The following NALCN variants were observed in gnomAD, a reference collection of about 807,000 sequenced individuals.
NALCN encodes sodium leak channel NALCN.
NALCN carries 111 observed loss-of-function variants against 225.3 expected under a neutral mutation model. The ratio of observed to expected loss-of-function variants is 0.49; its 90% CI spans 0.42 to 0.58. The LOEUF is 0.58. NALCN is among the 20% of genes least tolerant of loss of function. NALCN has a pLI of 0.00. For synonymous variants in NALCN, 764 were observed against 769.0 expected (o/e 0.99, Z 0.11); for missense variants, 1,378 against 2,202.4 (o/e 0.63, Z 7.49).
intron 7 of NALCN, among the ~76,000 whole-genome samples, chr13:101,300,203 G>T (rs892440972): frequency 1.3e-5 from 2 of 152,070 alleles, no homozygotes; most frequent in African/African-American, 4.8e-5. Context: ...AAACGATAAA[G>T]CAGCTAGAAC....
intron 11 of NALCN, among the ~76,000 whole-genome samples, chr13:101,255,250 C>T (rs562651238): frequency 4.6e-5 from 7 of 152,156 alleles, no homozygotes; most frequent in Non-Finnish European, 8.8e-5. Context: ...CTACAACATT[C>T]AATTATTTGA....
chr13:101,131,443 C>T (rs1024520099), intron 17 of NALCN, among the ~76,000 whole-genome samples: 4 of 152,160 alleles, frequency 2.6e-5, no homozygotes, highest in Non-Finnish European at 1.5e-5. Flanking sequence ...AGAGTTTCCT[C>T]TTCTGTTGTT....
chr13:101,358,075 A>G (rs1045032225), intron 6 of NALCN, among the ~76,000 whole-genome samples: 1 of 152,202 alleles, frequency 6.6e-6, no homozygotes, highest in Non-Finnish European at 1.5e-5. Flanking sequence ...TAACCATAAA[A>G]ACCCTAGAAG....
At chr13:101,063,475 C>T (rs2032125389) in intron 40 of NALCN, among the ~76,000 whole-genome samples, 1 of 152,142 alleles carries the variant, frequency 6.6e-6, no homozygotes, top group South Asian at 2.1e-4. Context: ...CGGTGTGTTC[C>T]AAAGAGGCTG....
chr13:101,058,422 G>GTTTTTTGAAT, intron 42 of NALCN: 1 of 195,558 alleles, frequency 5.1e-6, no homozygotes, highest in Non-Finnish European at 1.1e-5. Context: ...CGGGCTGGGC[G>GTTTTTTGAAT]GGGGCAGTCT....
intron 28 of NALCN, among the ~76,000 whole-genome samples, chr13:101,091,276 AT>A (rs985532142): frequency 6.6e-6 from 1 of 152,036 alleles, no homozygotes; most frequent in Non-Finnish European, 1.5e-5. Flanking sequence ...TATTTTGATC[AT>A]TTTTTCCCCC....
intron 12 of NALCN, among the ~76,000 whole-genome samples, chr13:101,236,820 C>T (rs1315523867): frequency 2.0e-5 from 3 of 150,082 alleles, no homozygotes; most frequent in Admixed American, 6.7e-5. Context: ...TGCTAGATGA[C>T]GAGTTAGTGG....
intron 13 of NALCN, among the ~76,000 whole-genome samples, chr13:101,215,483 C>G (rs1201866172): frequency 6.6e-6 from 1 of 152,096 alleles, no homozygotes; most frequent in Non-Finnish European, 1.5e-5. Context: ...ACTGTGCTCT[C>G]AGCTCAGAGT....
At chr13:101,144,549 A>T (rs1160816644) in intron 16 of NALCN, among the ~76,000 whole-genome samples, 1 of 152,216 alleles carries the variant, frequency 6.6e-6, no homozygotes, top group East Asian at 1.9e-4. Flanking sequence ...TGCAGTTATA[A>T]AGTGACTCTT....
chr13:101,214,918 C>G (rs932725894), intron 13 of NALCN, among the ~76,000 whole-genome samples: 2 of 152,080 alleles, frequency 1.3e-5, no homozygotes, highest in Non-Finnish European at 2.9e-5. Flanking sequence ...TATGGAACCA[C>G]GTTATGACAC....
At chr13:101,344,583 T>C (rs1011643469) in intron 7 of NALCN, among the ~76,000 whole-genome samples, 4 of 152,174 alleles carry the variant, frequency 2.6e-5, no homozygotes, top group African/African-American at 9.7e-5. Context: ...ATACATTTTT[T>C]GCTTTAATAA....
At chr13:101,118,624 A>T (rs2035827799) in intron 18 of NALCN, among the ~76,000 whole-genome samples, 1 of 152,174 alleles carries the variant, frequency 6.6e-6, no homozygotes, top group African/African-American at 2.4e-5. Context: ...TTTAAGTGTC[A>T]GGAAAATCTT....
At chr13:101,205,454 G>A in intron 13 of NALCN, among the ~76,000 whole-genome samples, 1 of 152,104 alleles carries the variant, frequency 6.6e-6, no homozygotes, top group African/African-American at 2.4e-5. Context: ...AAAATATCAA[G>A]ATCAACTGAA....
intron 10 of NALCN, among the ~76,000 whole-genome samples, chr13:101,271,780 TG>T (rs1156524131): frequency 6.6e-6 from 1 of 151,844 alleles, no homozygotes; most frequent in Non-Finnish European, 1.5e-5. Flanking sequence ...AGCGTGTGTA[TG>T]CATGTCTGTG....
At chr13:101,114,178 A>G (rs1475366558) in intron 18 of NALCN, among the ~76,000 whole-genome samples, 1 of 152,218 alleles carries the variant, frequency 6.6e-6, no homozygotes, top group African/African-American at 2.4e-5. Context: ...TTCAGCTTTT[A>G]TAAGCTGTGG....
chr13:101,156,768 A>T (rs1186463762), intron 15 of NALCN, among the ~76,000 whole-genome samples: 2 of 152,288 alleles, frequency 1.3e-5, no homozygotes, highest in South Asian at 2.1e-4. Context: ...TTTACTATCA[A>T]ATAAATATGA....
chr13:101,273,260 G>A (rs1266087113), intron 10 of NALCN, among the ~76,000 whole-genome samples: 1 of 152,080 alleles, frequency 6.6e-6, no homozygotes, highest in East Asian at 1.9e-4. Flanking sequence ...GAGGAATGAG[G>A]GTCCAATTGA....
intron 28 of NALCN, among the ~76,000 whole-genome samples, chr13:101,091,264 T>C (rs2034217708): frequency 2.6e-5 from 4 of 152,164 alleles, no homozygotes; most frequent in African/African-American, 9.7e-5. Flanking sequence ...CTATTTAAAT[T>C]ATATTTTGAT....
At chr13:101,319,702 G>C (rs749805987) in intron 7 of NALCN, among the ~76,000 whole-genome samples, 1 of 152,164 alleles carries the variant, frequency 6.6e-6, no homozygotes, top group South Asian at 2.1e-4. Flanking sequence ...TTTATATACA[G>C]CCATTTGTTG....
Sources: gnomAD v4.1 joint callset for allele counts (sites outside exome capture counted in the v4.1 genomes callset) on GRCh38, gnomAD v4.1.1 for gene constraint, MANE v1.5 for transcripts, NCBI Gene and HGNC (gene_info 2026-07-23, HGNC 2026-07-21) for gene names.